EPHA3: variants seen among roughly 807,000 people sequenced by gnomAD.
EPHA3 encodes the protein ephrin type-A receptor 3.
In EPHA3, 42 loss-of-function variants were observed where a neutral mutation model predicts 107.1. The observed-to-expected ratio is 0.39, with a 90% CI of 0.31 to 0.51. EPHA3 has a LOEUF of 0.51. EPHA3 is among the 20% of genes least tolerant of loss of function. The probability of loss-of-function intolerance (pLI) is 0.78; values close to 1 mark genes in which losing one functional copy is unlikely to be tolerated. For missense variants in EPHA3, 1,183 were observed against 1,211.2 expected, an observed-to-expected ratio of 0.98 and a Z score of 0.35; for synonymous variants, 461 against 424.8, an observed-to-expected ratio of 1.09 and a Z score of -1.05.
chr3:89,428,148 G>A (rs1357190537), intron 11 of EPHA3, among the ~76,000 whole-genome samples: 1 of 151,818 alleles, frequency 6.6e-6, no homozygotes, highest in East Asian at 1.9e-4. Context: ...ACTATACTTA[G>A]CACCTTTGTG....
chr3:89,381,544 C>T (rs1708508908), intron 5 of EPHA3, among the ~76,000 whole-genome samples: 1 of 151,902 alleles, frequency 6.6e-6, no homozygotes, highest in Non-Finnish European at 1.5e-5. Flanking sequence ...TGGCACATGC[C>T]TGCAATTCCA....
chr3:89,107,917 A>T, intron 1 of EPHA3, 81 bp downstream of exon 1: 1 of 1,415,496 alleles, frequency 7.1e-7, no homozygotes, highest in Non-Finnish European at 9.9e-7. Context: ...GAAGCCTTGC[A>T]CGTCGGGAAG....
At chr3:89,303,729 A>T (rs1464264978) in intron 3 of EPHA3, among the ~76,000 whole-genome samples, 1 of 152,134 alleles carries the variant, frequency 6.6e-6, no homozygotes, top group East Asian at 1.9e-4. Context: ...CATATTTAGA[A>T]TTTTTTAAAA....
At chr3:89,378,463 C>G (rs1708443266) in intron 5 of EPHA3, among the ~76,000 whole-genome samples, 1 of 152,026 alleles carries the variant, frequency 6.6e-6, no homozygotes, top group Non-Finnish European at 1.5e-5. Flanking sequence ...TCAATTCTAA[C>G]TTAAGAATCA....
intron 3 of EPHA3, among the ~76,000 whole-genome samples, chr3:89,265,770 A>C (rs1420186885): frequency 6.6e-6 from 1 of 152,054 alleles, no homozygotes; most frequent in Non-Finnish European, 1.5e-5. Flanking sequence ...AATTTAGTAC[A>C]TTCTCGGTAA....
chr3:89,153,299 C>T (rs562248835), intron 2 of EPHA3, among the ~76,000 whole-genome samples: 2 of 152,166 alleles, frequency 1.3e-5, no homozygotes, highest in Non-Finnish European at 2.9e-5. Context: ...AATTTTTTCA[C>T]ACTTGCGGGT....
At chr3:89,217,673 A>G (rs901798171) in intron 3 of EPHA3, among the ~76,000 whole-genome samples, 2 of 152,228 alleles carry the variant, frequency 1.3e-5, no homozygotes, top group African/African-American at 2.4e-5. Context: ...CTTCAAATAT[A>G]GAAAGACCCT....
intron 3 of EPHA3, among the ~76,000 whole-genome samples, chr3:89,237,945 C>T (rs528362990): frequency 4.6e-5 from 7 of 151,144 alleles, no homozygotes; most frequent in African/African-American, 1.7e-4. Context: ...CACCACTGCA[C>T]TCCAGCCTGG....
intron 5 of EPHA3, among the ~76,000 whole-genome samples, chr3:89,361,994 AACCCCCTC>A (rs1708101528): frequency 6.6e-6 from 1 of 151,184 alleles, no homozygotes; most frequent in Admixed American, 6.6e-5. Context: ...ATATTTTCAC[AACCCCCTC>A]AAGGTCCTGA....
chr3:89,431,486 T>A (rs1197185139), intron 13 of EPHA3, 127 bp downstream of exon 13: 5 of 654,712 alleles, frequency 7.6e-6, no homozygotes, highest in Non-Finnish European at 1.2e-5. Context: ...AGAAAACATA[T>A]CTTAAAATTA....
chr3:89,429,433 A>G (rs1709519953), intron 12 of EPHA3, among the ~76,000 whole-genome samples: 1 of 152,138 alleles, frequency 6.6e-6, no homozygotes, highest in Non-Finnish European at 1.5e-5. Context: ...TCGTTAAATA[A>G]AAATAAAAAA....
At chr3:89,168,282 T>G (rs2107088960) in intron 2 of EPHA3, among the ~76,000 whole-genome samples, 1 of 152,290 alleles carries the variant, frequency 6.6e-6, no homozygotes, top group East Asian at 1.9e-4. Flanking sequence ...ATTGAATACT[T>G]CTTGTGCCAA....
intron 3 of EPHA3, among the ~76,000 whole-genome samples, chr3:89,261,581 G>A (rs62274982): frequency 0.21 from 32,263 of 151,974 alleles, 3,814 homozygotes; most frequent in Non-Finnish European, 0.27. Flanking sequence ...CCAGCACAGG[G>A]TTTGTATATA....
chr3:89,432,826 T>C (rs531607937), intron 13 of EPHA3, among the ~76,000 whole-genome samples: 3 of 152,264 alleles, frequency 2.0e-5, no homozygotes, highest in East Asian at 3.9e-4. Flanking sequence ...ACCGATAATT[T>C]AGGCACTTTA....
Position 89,129,298 on chromosome 3 carries a change from G to T in EPHA3, c.153+2025G>T, listed in dbSNP as rs562973162. Among the ~76,000 whole-genome samples the T allele has an allele frequency of 2.6e-5, 4 of 152,156 alleles. No homozygotes were observed. In the East Asian group the frequency reaches 7.7e-4, roughly 29 times the overall value. ...GACCCATTAGCTCCTCTTCATTGCT[G>T]TCCTCTGTTGATCTTGCAACTGTGA... On this transcript the variant is annotated intron_variant, in intron 2 of 16. Coordinates refer to ENST00000336596, the MANE Select transcript of EPHA3 (RefSeq NM_005233.6).
chr3:89,481,002 T>C lies in EPHA3; in HGVS notation c.*1500T>C. 1 of 231,822 alleles carries C rather than the reference T, an allele frequency of 4.3e-6. No individual in the cohort carries two copies. The highest frequency in any genetic ancestry group is 8.5e-6 in the Non-Finnish European group (1 of 117,148). 14.4% of individuals were successfully genotyped at this position (231,822 alleles called of 1,614,324 possible). A position where few individuals can be genotyped will look rare whatever the true frequency, so the allele number is the denominator to read the frequency against. On this transcript the variant is annotated 3_prime_UTR_variant, in exon 17 of 17. Transcript: ENST00000336596. ...CTAACTATGAGCTTGCTCATTAATT[T>C]TGAAAAGATGTACCTGGTGGATATC... is the stretch of plus-strand genomic sequence containing the variant.
intron 10 of EPHA3, among the ~76,000 whole-genome samples, chr3:89,415,039 A>C (rs1469819513): frequency 6.6e-6 from 1 of 151,600 alleles, no homozygotes; most frequent in East Asian, 1.9e-4. Context: ...CTTCAAGGTT[A>C]GTTATACTTT....
chr3:89,351,606 C>A (rs1287407628), intron 5 of EPHA3, among the ~76,000 whole-genome samples: 2 of 151,052 alleles, frequency 1.3e-5, no homozygotes, highest in African/African-American at 4.8e-5. Flanking sequence ...AGCTGTAGAC[C>A]GGAGCTGTTC....
At chr3:89,454,249 T>A (rs1370694725) in intron 15 of EPHA3, among the ~76,000 whole-genome samples, 1 of 152,136 alleles carries the variant, frequency 6.6e-6, no homozygotes, top group African/African-American at 2.4e-5. Context: ...TCTAACACTC[T>A]TCACAGCCAA....
Sources: gnomAD v4.1 joint callset for allele counts (sites outside exome capture counted in the v4.1 genomes callset) on GRCh38, gnomAD v4.1.1 for gene constraint, MANE v1.5 for transcripts, NCBI Gene and HGNC (gene_info 2026-07-23, HGNC 2026-07-21) for gene names.